The following TTC38 variants were observed in gnomAD, a reference collection of about 807,000 sequenced individuals.
TTC38 encodes tetratricopeptide repeat protein 38.
A neutral mutation model predicts 64.2 loss-of-function variants in TTC38; 64 were observed. That is an observed-to-expected ratio of 1.00 (90% CI 0.81 to 1.23). The LOEUF (loss-of-function observed/expected upper bound fraction) is 1.23, where lower values mean the gene tolerates loss of function less well. Ranked by LOEUF, TTC38 falls within the 50% of genes most tolerant of loss-of-function variation. TTC38 has a pLI of 0.00. For synonymous variants in TTC38, 254 were observed against 249.3 expected (o/e 1.02, Z -0.18); for missense variants, 573 against 615.5 (o/e 0.93, Z 0.73).
In TTC38 at chr22:46,292,440, G is replaced by C. The variant is rs2077622832; in HGVS notation, c.1317-351G>C. ...GCCCTGTTCTTAATACCATCACCTT[G>C]GGCATTTGGGCTTCAACATATACAT... On this transcript the variant is annotated intron_variant, in intron 13 of 13. Transcript: ENST00000381031. The surrounding 1 kb of genome is among the most constrained non-coding windows in gnomAD (Gnocchi z 6.5). 1 of 317,788 alleles carries C rather than the reference G, an allele frequency of 3.1e-6. No homozygotes were observed. The highest frequency in any genetic ancestry group is 2.1e-5 in the African/African-American group (1 of 47,610). 19.7% of individuals were successfully genotyped at this position (317,788 alleles called of 1,614,324 possible).
In TTC38 at chr22:46,275,394, T is replaced by A; in HGVS notation, c.512T>A (p.Phe171Tyr). 1 of 1,614,060 alleles carries A rather than the reference T, an allele frequency of 6.2e-7. No individual in the cohort carries two copies. The highest frequency in any genetic ancestry group is 1.1e-5 in the South Asian group (1 of 91,056). Residue 171 changes from phenylalanine to tyrosine, a missense_variant, in exon 5 of 14, where the codon TTC (phenylalanine) becomes TAC (tyrosine). Phe to Tyr is a conservative substitution (Grantham distance 22). This residue lies in a region of TTC38 where 68 missense variants were observed against 107.3 expected (regional missense o/e 0.63). Coordinates refer to ENST00000381031, the MANE Select transcript of TTC38 (RefSeq NM_017931.4). This position sits in a 1 kb window ranked among gnomAD's most constrained non-coding sequence, Gnocchi z 4.5. ...MRDSVARIYP[F>Y]WTPDIPLSSY... ...GATTCTGTTGCTCGAATTTACCCCT[T>A]CTGGACACCTGACATCCCCCTAAGC...
chr22:46,275,086 G>T lies in TTC38; in HGVS notation c.366-162G>T, dbSNP rs1361516378. ...TCCACCTGCCTTGGTCTCCCAAAGTGCTGGGATTACAGGCATAAGCCACCG... is the reference window on the plus strand; with the variant it reads ...TCCACCTGCCTTGGTCTCCCAAAGTTCTGGGATTACAGGCATAAGCCACCG... On this transcript the variant is annotated intron_variant, in intron 4 of 13. Coordinates refer to ENST00000381031, the MANE Select transcript of TTC38 (RefSeq NM_017931.4). The surrounding 1 kb of genome is among the most constrained non-coding windows in gnomAD (Gnocchi z 4.5). Among the ~76,000 whole-genome samples the T allele has an allele frequency of 6.6e-6, 1 of 152,184 alleles. No homozygotes were observed. The highest frequency in any genetic ancestry group is 1.5e-5 in the Non-Finnish European group (1 of 68,042).
chr22:46,288,365 C>T, intron 10 of TTC38, 58 bp from the exon 11 acceptor site: 4 of 1,546,548 alleles, frequency 2.6e-6, no homozygotes, highest in Non-Finnish European at 3.5e-6. Flanking sequence ...GAGGCCCTTG[C>T]ACGGGACATG....
rs79618467 is a variant in TTC38, at chr22:46,284,123, G to A, written c.795+91G>A. On this transcript the variant is annotated intron_variant, in intron 8 of 13. Coordinates refer to ENST00000381031, the MANE Select transcript of TTC38 (RefSeq NM_017931.4). ...TAGCTTTTGCTATGTATTCACATCC[G>A]TTGGAGCCCTGATGCAATGGAGCAT... 1.6e-3 allele frequency: 1,672 copies of A among 1,069,316 alleles called. 41 individuals are homozygous for A. In the East Asian group the frequency reaches 0.034, roughly 22 times the overall value. 66.2% of individuals were successfully genotyped at this position (1,069,316 alleles called of 1,614,324 possible). A position where few individuals can be genotyped will look rare whatever the true frequency, so the allele number is the denominator to read the frequency against.
intron 6 of TTC38, chr22:46,280,243 A>G (rs1428978332): frequency 4.3e-6 from 2 of 469,284 alleles, no homozygotes; most frequent in Non-Finnish European, 8.8e-6. Context: ...AGGCACAGCC[A>G]CAGAGCTTGG....
rs931851221 is a variant in TTC38 at position 46,284,017 on chromosome 22, A to G, written c.780A>G (p.Leu260=). The stretch of plus-strand genomic sequence containing the variant: ...GTCATAACTATTGGCACTGGGCTTT[A>G]TATCTGATTGAGAAGGTAAGGTGAC... ...LACHNYWHWA[L]YLIEKGEYEA... Residue 260 remains leucine (L), a synonymous_variant, in exon 8 of 14, where the codon TTA becomes TTG. Transcript: ENST00000381031. The G allele has an allele frequency of 2.8e-5, 45 of 1,595,584 alleles. No homozygotes were observed. Among genetic ancestry groups the G allele is most frequent in the Non-Finnish European group, 3.8e-5 (44 of 1,173,320 alleles).
At chr22:46,279,018 G>A (rs1262894782) in intron 6 of TTC38, among the ~76,000 whole-genome samples, 3 of 152,222 alleles carry the variant, frequency 2.0e-5, no homozygotes, top group African/African-American at 4.8e-5. Context: ...AGCCCACACT[G>A]CCCTGCTGGG....
Position 46,268,561 on chromosome 22 carries a change from C to T in TTC38, c.81C>T (p.Ala27=). ...RLPLSTTSNE[A]CKLFDATLTQ... is the part of the protein sequence containing the mutation. ...CGCTCTCCACCACAAGCAACGAAGC[C>T]TGCAAGCTGTTCGATGCCACGCTGA... is the stretch of plus-strand genomic sequence containing the variant. The change falls in exon 2 of 14, where the codon GCC becomes GCT. Residue 27 remains alanine (A), a synonymous_variant. Transcript: ENST00000381031. 6.2e-7 allele frequency: 1 copy of T among 1,614,104 alleles called. No homozygotes were observed. Among genetic ancestry groups the T allele is most frequent in the Non-Finnish European group, 8.5e-7 (1 of 1,180,044 alleles).
At position 46,272,497 on chromosome 22, in the gene TTC38, T is replaced by C; in HGVS notation, c.193+81T>C. ...CTTTCCTTTACCACAGGGACACAGT[T>C]GGGATGGGGAAGGCAGGTTGGGTGG... On this transcript the variant is annotated intron_variant, in intron 3 of 13. Transcript: ENST00000381031. This position sits in a 1 kb window ranked among gnomAD's most constrained non-coding sequence, Gnocchi z 6.4. 4.7e-6 allele frequency: 6 copies of C among 1,267,630 alleles called. No individual in the cohort carries two copies. The South Asian group carries it at 7.3e-5, about 16-fold the overall frequency. The allele number at this position is 1,267,630 out of a possible 1,614,324, so 78.5% of individuals were successfully genotyped here. A position where few individuals can be genotyped will look rare whatever the true frequency, so the allele number is the denominator to read the frequency against.
intron 11 of TTC38, 49 bp downstream of exon 11, chr22:46,288,637 G>A (rs1183477448): frequency 1.9e-6 from 3 of 1,578,456 alleles, no homozygotes; most frequent in Non-Finnish European, 2.6e-6. Flanking sequence ...CTGCCGAGAG[G>A]GTGAGGGGGT....
At chr22:46,283,851 CAAAAAAA>C (rs58477670) in intron 7 of TTC38, 115 bp from the exon 8 acceptor site, 63 of 210,708 alleles carry the variant, frequency 3.0e-4, no homozygotes, top group African/African-American at 8.0e-4. Context: ...GACTTAGTCT[CAAAAAAA>C]AAAAAAAAAA....
chr22:46,290,593 GCGT>G (rs2077608137), intron 13 of TTC38, among the ~76,000 whole-genome samples: 1 of 147,850 alleles, frequency 6.8e-6, no homozygotes, highest in African/African-American at 2.6e-5. Flanking sequence ...TAGGAGGGTG[GCGT>G]GGCTGGAGGG....
chr22:46,280,191 G>A (rs1025241309), intron 6 of TTC38: 2 of 471,106 alleles, frequency 4.2e-6, no homozygotes, highest in African/African-American at 4.0e-5. Context: ...AGGCTGGTGA[G>A]GGTAGGAGGA....
At chr22:46,279,208 G>A (rs924556500) in intron 6 of TTC38, among the ~76,000 whole-genome samples, 1 of 152,200 alleles carries the variant, frequency 6.6e-6, no homozygotes, top group African/African-American at 2.4e-5. Flanking sequence ...GGCTGCAGCT[G>A]TCAGGCCTGG....
In TTC38 at chr22:46,287,095, A is replaced by G. The variant is rs1219451484; in HGVS notation, c.857A>G (p.Asn286Ser). 14 of 1,603,930 alleles carry G rather than the reference A, an allele frequency of 8.7e-6. No homozygotes were observed. Among genetic ancestry groups the G allele is most frequent in the Non-Finnish European group, 1.1e-5 (13 of 1,176,248 alleles). Residue 286 changes from asparagine (N) to serine (S), a missense_variant, in exon 10 of 14, where the codon AAC becomes AGC. Transcript: ENST00000381031. Reference sequence around the variant, plus strand: ...CAGATCCTTCCCAGCCTGCAGGCCAACGATGCAATGCTGGACGTGGTGGAC... The same window carrying G: ...CAGATCCTTCCCAGCCTGCAGGCCAGCGATGCAATGCTGGACGTGGTGGAC... ...DTHILPSLQANDAMLDVVDSC... is the reference protein window; with the variant it reads ...DTHILPSLQASDAMLDVVDSC...
Position 46,291,676 on chromosome 22 carries a change from C to T in TTC38, c.1317-1115C>T, listed in dbSNP as rs558024785. Among the ~76,000 whole-genome samples, 19 of 152,270 alleles carry T rather than the reference C, an allele frequency of 1.2e-4. No individual in the cohort carries two copies. The highest frequency in any genetic ancestry group is 3.9e-4 in the African/African-American group (16 of 41,544). ...TATTTTAAAAGTGCCACAGACAGGCCGGGCACGGTGGCTCATGCCTGTAAT... is the reference window on the plus strand; with the variant it reads ...TATTTTAAAAGTGCCACAGACAGGCTGGGCACGGTGGCTCATGCCTGTAAT... On this transcript the variant is annotated intron_variant, in intron 13 of 13. Coordinates refer to ENST00000381031, the MANE Select transcript of TTC38 (RefSeq NM_017931.4). The surrounding 1 kb of genome is among the most constrained non-coding windows in gnomAD (Gnocchi z 4.6).
At chr22:46,289,772 TC>T (rs2077599918) in intron 12 of TTC38, 53 bp from the exon 13 acceptor site, 2 of 1,580,560 alleles carry the variant, frequency 1.3e-6, no homozygotes, top group Non-Finnish European at 8.7e-7. Context: ...GGGCGGGGGC[TC>T]GCCTCCCCCA....
rs867231195 is a variant in TTC38, at chr22:46,271,414, C to T, written c.112-921C>T. 1.3e-5 allele frequency among the ~76,000 whole-genome samples: 2 copies of T among 151,984 alleles called. No homozygotes were observed. The highest frequency in any genetic ancestry group is 2.4e-5 in the African/African-American group (1 of 41,356). On this transcript the variant is annotated intron_variant, in intron 2 of 13. Coordinates refer to ENST00000381031, the MANE Select transcript of TTC38 (RefSeq NM_017931.4). This position sits in a 1 kb window ranked among gnomAD's most constrained non-coding sequence, Gnocchi z 5.5. ...TCTTTAGTAGAGACGGGGGTTTCACCGTGTTAGCCAGGATGGTCTCGATCT... is the reference window on the plus strand; with the variant it reads ...TCTTTAGTAGAGACGGGGGTTTCACTGTGTTAGCCAGGATGGTCTCGATCT...
At position 46,291,444 on chromosome 22, in the gene TTC38, G is replaced by T. The variant is rs190763429; in HGVS notation, c.1317-1347G>T. 6.6e-6 allele frequency among the ~76,000 whole-genome samples: 1 copy of T among 152,220 alleles called. No individual in the cohort carries two copies. The highest frequency in any genetic ancestry group is 1.5e-5 in the Non-Finnish European group (1 of 68,002). Reference sequence around the variant, plus strand: ...GACTGCATTAGGAGACGTGGAGGGGGCCTTCTCTCCAAGTCCTGTCCTGCT... The same window carrying T: ...GACTGCATTAGGAGACGTGGAGGGGTCCTTCTCTCCAAGTCCTGTCCTGCT... On this transcript the variant is annotated intron_variant, in intron 13 of 13. Coordinates refer to ENST00000381031, the MANE Select transcript of TTC38 (RefSeq NM_017931.4). This position sits in a 1 kb window ranked among gnomAD's most constrained non-coding sequence, Gnocchi z 4.6.
Sources: allele counts gnomAD v4.1 joint callset (sites outside exome capture counted in the v4.1 genomes callset), GRCh38; gene constraint gnomAD v4.1.1; regional missense constraint gnomAD v4.1.1; non-coding constraint Gnocchi (gnomAD v3.1); transcripts MANE v1.5; gene names NCBI Gene and HGNC (gene_info 2026-07-23, HGNC 2026-07-21).